The following CNTN4 variants were observed in gnomAD, a reference collection of about 807,000 sequenced individuals.
The protein encoded by CNTN4 is contactin-4.
A neutral mutation model predicts 122.5 loss-of-function variants in CNTN4; 77 were observed. That is an observed-to-expected ratio of 0.63 (90% CI 0.52 to 0.76). The LOEUF is 0.76. Ranked by LOEUF, CNTN4 falls within the 30% of genes least tolerant of loss-of-function variation. The probability of loss-of-function intolerance (pLI) is 0.00; values close to 1 mark genes in which losing one functional copy is unlikely to be tolerated. For synonymous variants in CNTN4, 512 were observed against 447.0 expected (o/e 1.15, Z -1.83); for missense variants, 1,256 against 1,259.1 (o/e 1.00, Z 0.04).
intron 7 of CNTN4, among the ~76,000 whole-genome samples, chr3:2,820,222 C>G (rs914002880): frequency 6.6e-6 from 1 of 152,164 alleles, no homozygotes; most frequent in Admixed American, 6.5e-5. Context: ...GTGGGACTCC[C>G]ATAACTCCCT....
intron 2 of CNTN4, among the ~76,000 whole-genome samples, chr3:2,126,350 A>G (rs188481110): frequency 1.4e-3 from 211 of 152,248 alleles, no homozygotes; most frequent in Admixed American, 0.01. Flanking sequence ...GGTGTCACAG[A>G]TTTCCTAGGA....
rs1441283533 is a variant in CNTN4, at chr3:2,851,820, A to G, written c.455-14932A>G. ...GTAAAAATCCAGGGTGATGGGTTTC[A>G]GTACTGCCCTAATCACTTACTAACT... is the stretch of plus-strand genomic sequence containing the variant. On this transcript the variant is annotated intron_variant, in intron 7 of 24. Transcript: ENST00000418658. Among the ~76,000 whole-genome samples, 2 of 152,210 alleles carry G rather than the reference A, an allele frequency of 1.3e-5. 1 individual carries two copies. Among genetic ancestry groups the G allele is most frequent in the South Asian group, 4.1e-4 (2 of 4,826 alleles).
intron 2 of CNTN4, among the ~76,000 whole-genome samples, chr3:2,328,816 C>A (rs75755433): frequency 6.6e-6 from 1 of 152,004 alleles, no homozygotes; most frequent in East Asian, 1.9e-4. Context: ...AATACGACAT[C>A]ACTTTATATA....
chr3:2,827,226 G>A (rs1299453537), intron 7 of CNTN4, among the ~76,000 whole-genome samples: 1 of 151,976 alleles, frequency 6.6e-6, no homozygotes, highest in Non-Finnish European at 1.5e-5. Flanking sequence ...ACCTTTTTCA[G>A]GCTCCCTCTC....
At chr3:2,198,911 G>T (rs1472719493) in intron 2 of CNTN4, among the ~76,000 whole-genome samples, 2 of 152,130 alleles carry the variant, frequency 1.3e-5, no homozygotes, top group African/African-American at 4.8e-5. Flanking sequence ...GGGCCACATT[G>T]GTGACATTCA....
chr3:2,981,361 G>A (rs995628430), intron 13 of CNTN4, among the ~76,000 whole-genome samples: 10 of 151,580 alleles, frequency 6.6e-5, no homozygotes, highest in Non-Finnish European at 1.0e-4. Flanking sequence ...GGAGAATGGC[G>A]TGAACCCAGG....
At chr3:2,892,990 T>C (rs1268845977) in intron 10 of CNTN4, among the ~76,000 whole-genome samples, 3 of 152,202 alleles carry the variant, frequency 2.0e-5, no homozygotes, top group Non-Finnish European at 2.9e-5. Context: ...TTTAATACAA[T>C]AGGTAAGGTG....
chr3:2,458,880 G>T (rs2049097507), intron 3 of CNTN4, among the ~76,000 whole-genome samples: 1 of 152,210 alleles, frequency 6.6e-6, no homozygotes, highest in Admixed American at 6.6e-5. Context: ...AAGCACATTT[G>T]CTTTGTATTA....
intron 2 of CNTN4, among the ~76,000 whole-genome samples, chr3:2,245,884 C>G (rs2040125719): frequency 6.6e-6 from 1 of 152,000 alleles, no homozygotes; most frequent in South Asian, 2.1e-4. Flanking sequence ...AATCCTAGCA[C>G]TAGAGTTCCT....
intron 3 of CNTN4, among the ~76,000 whole-genome samples, chr3:2,381,150 C>T (rs1392646255): frequency 2.0e-5 from 3 of 151,924 alleles, no homozygotes; most frequent in African/African-American, 4.8e-5. Flanking sequence ...GGACTACAGG[C>T]GCCCGCCACC....
intron 14 of CNTN4, among the ~76,000 whole-genome samples, chr3:3,012,449 T>C (rs142624643): frequency 1.3e-5 from 2 of 151,870 alleles, no homozygotes; most frequent in Admixed American, 1.3e-4. Context: ...TTTGGTTTTT[T>C]GTTTTTGTTT....
chr3:2,177,656 TTGTGTGTG>T (rs60145608), intron 2 of CNTN4, among the ~76,000 whole-genome samples: 41,611 of 147,454 alleles, frequency 0.28, 7,114 homozygotes, highest in Non-Finnish European at 0.41. Flanking sequence ...GTGTGTGTGT[TTGTGTGTG>T]TGTGTGTGTG....
intron 7 of CNTN4, among the ~76,000 whole-genome samples, chr3:2,848,876 A>G (rs574255111): frequency 6.6e-6 from 1 of 152,116 alleles, no homozygotes; most frequent in Non-Finnish European, 1.5e-5. Context: ...GCCAGACGAC[A>G]TAGGTCTATT....
chr3:2,114,613 C>T (rs11920590), intron 2 of CNTN4, among the ~76,000 whole-genome samples: 2,055 of 152,184 alleles, frequency 0.014, 47 homozygotes, highest in African/African-American at 0.046. Flanking sequence ...TACACAGTTT[C>T]ATAGACTAGA....
chr3:2,351,654 T>A (rs915415629), intron 3 of CNTN4, among the ~76,000 whole-genome samples: 1 of 152,188 alleles, frequency 6.6e-6, no homozygotes, highest in African/African-American at 2.4e-5. Flanking sequence ...AACTTATGAA[T>A]TCTTTATTTC....
chr3:2,768,310 A>T (rs2090949955), intron 6 of CNTN4, among the ~76,000 whole-genome samples: 1 of 152,234 alleles, frequency 6.6e-6, no homozygotes, highest in Non-Finnish European at 1.5e-5. Flanking sequence ...AAGGTTAAGC[A>T]GGAAATCTTA....
At chr3:2,337,361 G>A (rs2043998022) in intron 2 of CNTN4, among the ~76,000 whole-genome samples, 1 of 152,106 alleles carries the variant, frequency 6.6e-6, no homozygotes, top group African/African-American at 2.4e-5. Context: ...CTTTTTGTGT[G>A]TACAGTCACC....
At chr3:2,568,347 T>C (rs866969579) in intron 3 of CNTN4, among the ~76,000 whole-genome samples, 1 of 119,854 alleles carries the variant, frequency 8.3e-6, no homozygotes, top group African/African-American at 3.1e-5. Context: ...AAAACCACCC[T>C]GTACAATTCT....
At chr3:2,424,515 G>A (rs934468035) in intron 3 of CNTN4, among the ~76,000 whole-genome samples, 7 of 152,110 alleles carry the variant, frequency 4.6e-5, no homozygotes, top group East Asian at 1.9e-4. Context: ...GAACAGTGCC[G>A]CACTAAACAT....
Sources: allele counts gnomAD v4.1 joint callset (sites outside exome capture counted in the v4.1 genomes callset), GRCh38; gene constraint gnomAD v4.1.1; transcripts MANE v1.5; gene names NCBI Gene and HGNC (gene_info 2026-07-23, HGNC 2026-07-21).